Variants in EFL1 observed in about 807,000 individuals in gnomAD.
EFL1 encodes the protein elongation factor-like GTPase 1.
A neutral mutation model predicts 126.7 loss-of-function variants in EFL1; 76 were observed. That is an observed-to-expected ratio of 0.60 (90% CI 0.50 to 0.73). EFL1 has a LOEUF of 0.73. Ranked by LOEUF, EFL1 falls within the 30% of genes least tolerant of loss-of-function variation. The pLI is 0.00. For synonymous variants in EFL1, 410 were observed against 448.4 expected (o/e 0.91, Z 1.08); for missense variants, 1,128 against 1,343.2 (o/e 0.84, Z 2.50).
intron 15 of EFL1, among the ~76,000 whole-genome samples, chr15:82,172,586 T>C (rs2074148283): frequency 6.6e-6 from 1 of 152,210 alleles, no homozygotes; most frequent in African/African-American, 2.4e-5. Flanking sequence ...TAAATCTAAT[T>C]CCATTTTAAT....
At chr15:82,177,297 A>C (rs1034330262) in intron 15 of EFL1, among the ~76,000 whole-genome samples, 1 of 152,230 alleles carries the variant, frequency 6.6e-6, no homozygotes, top group African/African-American at 2.4e-5. Context: ...TCTTTTAGAG[A>C]TGCTAATAAC....
At chr15:82,228,947 G>C in intron 9 of EFL1, 87 bp downstream of exon 9, 3 of 1,114,852 alleles carry the variant, frequency 2.7e-6, no homozygotes, top group Non-Finnish European at 2.6e-6. Context: ...GAAAATCTCA[G>C]CTTTCTGAAA....
intron 4 of EFL1, among the ~76,000 whole-genome samples, chr15:82,252,228 T>G (rs903481875): frequency 6.6e-6 from 1 of 152,236 alleles, no homozygotes; most frequent in African/African-American, 2.4e-5. Flanking sequence ...ATCAGTGACA[T>G]GTATCTCATA....
chr15:82,260,007 T>C (rs948664696), intron 2 of EFL1, among the ~76,000 whole-genome samples: 2 of 152,158 alleles, frequency 1.3e-5, no homozygotes, highest in African/African-American at 2.4e-5. Flanking sequence ...ACACCAAGTA[T>C]ATACCTCCCT....
intron 15 of EFL1, among the ~76,000 whole-genome samples, chr15:82,197,984 T>C (rs991172758): frequency 2.0e-5 from 3 of 152,232 alleles, no homozygotes; most frequent in African/African-American, 7.2e-5. Flanking sequence ...TCCTGGGTTG[T>C]GTTAACGAAA....
At chr15:82,168,778 T>C (rs919001492) in intron 15 of EFL1, among the ~76,000 whole-genome samples, 4 of 152,192 alleles carry the variant, frequency 2.6e-5, no homozygotes, top group African/African-American at 9.7e-5. Context: ...CCTCCCAAAG[T>C]GCTGGGATTA....
chr15:82,220,860 G>A (rs1639635242), intron 12 of EFL1, among the ~76,000 whole-genome samples: 1 of 152,190 alleles, frequency 6.6e-6, no homozygotes, highest in Non-Finnish European at 1.5e-5. Context: ...GGTATTTAGA[G>A]TTTTAATACT....
At chr15:82,244,608 T>C (rs1261997256) in intron 4 of EFL1, among the ~76,000 whole-genome samples, 1 of 152,118 alleles carries the variant, frequency 6.6e-6, no homozygotes, top group Non-Finnish European at 1.5e-5. Context: ...CTTTTTATGT[T>C]CCAGGGGGCT....
chr15:82,154,978 T>C lies in EFL1; in HGVS notation c.2031-2555A>G, dbSNP rs113610819. ...GGTCTTGCTATGTTACCCAACCTGG[T>C]GCACTATGTTTTGAACTTCATATAA... On this transcript the variant is annotated intron_variant, in intron 17 of 19. Coordinates refer to ENST00000268206, the MANE Select transcript of EFL1 (RefSeq NM_024580.6). Among the ~76,000 whole-genome samples, 84 of 152,300 alleles carry C rather than the reference T, an allele frequency of 5.5e-4. 1 individual carries two copies. The highest frequency in any genetic ancestry group is 1.9e-3 in the African/African-American group (81 of 41,566).
intron 3 of EFL1, among the ~76,000 whole-genome samples, chr15:82,255,349 T>A (rs2075057835): frequency 1.3e-5 from 2 of 152,214 alleles, no homozygotes; most frequent in Non-Finnish European, 2.9e-5. Flanking sequence ...TCCTACTGGT[T>A]GCAATACAGA....
At chr15:82,164,629 G>A (rs2074058521) in intron 15 of EFL1, among the ~76,000 whole-genome samples, 1 of 152,184 alleles carries the variant, frequency 6.6e-6, no homozygotes, top group South Asian at 2.1e-4. Flanking sequence ...CAGGTGCAGT[G>A]GCTCACGCCT....
chr15:82,201,601 G>A, intron 15 of EFL1, among the ~76,000 whole-genome samples: 1 of 150,096 alleles, frequency 6.7e-6, no homozygotes, highest in East Asian at 1.9e-4. Flanking sequence ...AAATTATACT[G>A]CAATTGTGTG....
chr15:82,146,502 G>A (rs2073847147), intron 18 of EFL1, among the ~76,000 whole-genome samples: 1 of 151,254 alleles, frequency 6.6e-6, no homozygotes, highest in Non-Finnish European at 1.5e-5. Context: ...ATAGACCCTG[G>A]ACACTAGAAA....
rs2074777834 is a variant in EFL1 at position 82,227,563 on chromosome 15, C to T, written c.1079G>A (p.Cys360Tyr). The T allele has an allele frequency of 1.2e-6, 2 of 1,614,146 alleles. No homozygotes were observed. Residue 360 changes from cysteine (C) to tyrosine (Y), a missense_variant, in exon 11 of 20, where the codon TGT becomes TAT. By Grantham distance (194) the Cys-to-Tyr change is radical (BLOSUM62 -2). Transcript: ENST00000268206. ...PISHAVLAMV[C>Y]QKLPSPLDIT... ...ATCAAGGGGACTAGGAAGTTTCTGA[C>T]ACACCATAGCTGAAGTCTATTGTTA...
chr15:82,249,930 G>T (rs1242736759), intron 4 of EFL1, among the ~76,000 whole-genome samples: 1 of 152,032 alleles, frequency 6.6e-6, no homozygotes, highest in Non-Finnish European at 1.5e-5. Context: ...ATAAATATTT[G>T]AAAATACTTT....
intron 18 of EFL1, among the ~76,000 whole-genome samples, chr15:82,146,604 A>G (rs1276882160): frequency 2.0e-5 from 2 of 101,082 alleles, no homozygotes; most frequent in African/African-American, 8.1e-5. Flanking sequence ...CTTCAAATCA[A>G]TTCGAGAAAA....
intron 14 of EFL1, 48 bp from the exon 15 acceptor site, chr15:82,214,903 C>T: frequency 6.4e-7 from 1 of 1,563,516 alleles, no homozygotes; most frequent in South Asian, 1.2e-5. Flanking sequence ...CATTTGGAAG[C>T]ATTAATTGGT....
intron 7 of EFL1, among the ~76,000 whole-genome samples, chr15:82,232,504 CTACT>C (rs2074832730): frequency 6.6e-6 from 1 of 152,148 alleles, no homozygotes; most frequent in Non-Finnish European, 1.5e-5. Context: ...CTACAGAGTT[CTACT>C]TATAGTTCTA....
intron 10 of EFL1, among the ~76,000 whole-genome samples, chr15:82,227,942 T>C (rs2074781585): frequency 6.6e-6 from 1 of 152,176 alleles, no homozygotes; most frequent in African/African-American, 2.4e-5. Flanking sequence ...TTTTTATAGA[T>C]TACTAAACAA....
Sources: allele counts gnomAD v4.1 joint callset (sites outside exome capture counted in the v4.1 genomes callset), GRCh38; gene constraint gnomAD v4.1.1; transcripts MANE v1.5; gene names NCBI Gene and HGNC (gene_info 2026-07-23, HGNC 2026-07-21).